Variants in CLIP4 observed in about 807,000 individuals in gnomAD.
The protein encoded by CLIP4 is CAP-Gly domain containing linker protein family member 4.
A neutral mutation model predicts 73.1 loss-of-function variants in CLIP4; 47 were observed. That is an observed-to-expected ratio of 0.64 (90% CI 0.51 to 0.82). The LOEUF is 0.82. Ranked by LOEUF, CLIP4 falls within the 40% of genes least tolerant of loss-of-function variation. CLIP4 has a pLI of 0.00. For missense variants in CLIP4, 874 were observed against 852.9 expected (o/e 1.02, Z -0.31); for synonymous variants, 306 against 295.4 (o/e 1.04, Z -0.37).
intron 14 of CLIP4, among the ~76,000 whole-genome samples, chr2:29,172,090 T>C (rs916014578): frequency 1.3e-5 from 2 of 151,624 alleles, no homozygotes; most frequent in African/African-American, 4.8e-5. Context: ...TAGTAATTAC[T>C]GTAGATAATT....
intron 6 of CLIP4, among the ~76,000 whole-genome samples, chr2:29,140,632 C>G (rs187960587): frequency 0.027 from 4,090 of 152,148 alleles, 63 homozygotes; most frequent in Non-Finnish European, 0.041. Context: ...ATTTCTAGTT[C>G]TAGATCCCTG....
intron 8 of CLIP4, among the ~76,000 whole-genome samples, chr2:29,149,661 G>A (rs763534947): frequency 1.7e-4 from 26 of 150,546 alleles, no homozygotes; most frequent in African/African-American, 3.9e-4. Context: ...AATAGAGGCC[G>A]CCCATATGCT....
chr2:29,127,850 A>C (rs1481580085), intron 2 of CLIP4, among the ~76,000 whole-genome samples: 1 of 152,148 alleles, frequency 6.6e-6, no homozygotes, highest in Admixed American at 6.6e-5. Flanking sequence ...GTCCATAGTT[A>C]CAGATTTGAT....
At chr2:29,102,256 CA>C (rs1668071424) in intron 1 of CLIP4, among the ~76,000 whole-genome samples, 1 of 152,174 alleles carries the variant, frequency 6.6e-6, no homozygotes, top group South Asian at 2.1e-4. Context: ...CTTATCTCAA[CA>C]GGCGTCTCTA....
At position 29,133,700 on chromosome 2, in the gene CLIP4, T is replaced by G. The variant is rs766147946; in HGVS notation, c.413T>G (p.Leu138Arg). The G allele has an allele frequency of 6.8e-6, 11 of 1,613,292 alleles. No individual in the cohort carries two copies. The highest frequency in any genetic ancestry group is 1.3e-5 in the African/African-American group (1 of 74,898). ...AVKFATQLID[L>R]GADISLRSRW... ...AAATTTGCAACTCAGCTTATTGACC[T>G]GGGAGCAGACATTAGTTTGCGGAGT... Residue 138 changes from leucine to arginine, a missense_variant, in exon 5 of 16, where the codon CTG (leucine) becomes CGG (arginine). Coordinates refer to ENST00000320081, the MANE Select transcript of CLIP4 (RefSeq NM_024692.6).
intron 13 of CLIP4, among the ~76,000 whole-genome samples, chr2:29,165,371 T>G (rs1055266156): frequency 6.6e-6 from 1 of 152,204 alleles, no homozygotes; most frequent in South Asian, 2.1e-4. Context: ...TTAACCTGTT[T>G]ACTGCTCTCC....
At chr2:29,145,606 A>G (rs1231202517) in intron 8 of CLIP4, among the ~76,000 whole-genome samples, 5 of 152,192 alleles carry the variant, frequency 3.3e-5, no homozygotes, top group Non-Finnish European at 7.3e-5. Context: ...CCAGGAGGAA[A>G]GTCCTGAAAA....
intron 14 of CLIP4, chr2:29,168,014 G>T (rs1667740892): frequency 6.6e-6 from 1 of 152,202 alleles, no homozygotes; most frequent in Non-Finnish European, 1.5e-5. Context: ...AGTTTCTCTA[G>T]GATTCCCAGG....
At chr2:29,132,513 A>T (rs981134207) in intron 4 of CLIP4, 1 of 390,172 alleles carries the variant, frequency 2.6e-6, no homozygotes, top group African/African-American at 2.1e-5. Flanking sequence ...GTAACACCCT[A>T]AAATCTTTCT....
chr2:29,121,712 G>C (rs895898805), intron 2 of CLIP4, among the ~76,000 whole-genome samples, 191 bp downstream of exon 2: 1 of 152,106 alleles, frequency 6.6e-6, no homozygotes, highest in Middle Eastern at 3.4e-3. Flanking sequence ...TATTTCTGCT[G>C]TCAGCATTTA....
chr2:29,151,273 A>G (rs753113689), intron 8 of CLIP4, among the ~76,000 whole-genome samples: 3 of 152,184 alleles, frequency 2.0e-5, no homozygotes, highest in Non-Finnish European at 4.4e-5. Flanking sequence ...TTAATTCTAT[A>G]AAGTGGATTA....
At chr2:29,107,379 T>TTTTG (rs1572855045) in intron 1 of CLIP4, among the ~76,000 whole-genome samples, 1 of 129,974 alleles carries the variant, frequency 7.7e-6, no homozygotes, top group East Asian at 2.4e-4. Flanking sequence ...TTTTTTTTTT[T>TTTTG]TTTTTTTTTT....
At chr2:29,178,804 T>TTTA (rs555500173) in intron 15 of CLIP4, among the ~76,000 whole-genome samples, 298 of 152,300 alleles carry the variant, frequency 2.0e-3, no homozygotes, top group Non-Finnish European at 3.5e-3. Context: ...TCAATATTTA[T>TTTA]TTATTTATTT....
chr2:29,098,874 T>A (rs1667954937), intron 1 of CLIP4, among the ~76,000 whole-genome samples: 1 of 152,226 alleles, frequency 6.6e-6, no homozygotes, highest in African/African-American at 2.4e-5. Flanking sequence ...CAGCATTTGG[T>A]GGTGTTGCTG....
chr2:29,112,537 C>T (rs1209746386), upstream of CLIP4, among the ~76,000 whole-genome samples: 1 of 152,240 alleles, frequency 6.6e-6, no homozygotes, highest in African/African-American at 2.4e-5. Context: ...TTACATTTCC[C>T]AGTTGCTTAC....
Position 29,135,642 on chromosome 2 carries a change from G to A in CLIP4, c.624G>A (p.Glu208=), listed in dbSNP as rs2339421. The change falls in exon 6 of 16, where the codon GAG becomes GAA. Residue 208 remains glutamate (E), a synonymous_variant. Transcript: ENST00000320081. The part of the protein sequence containing the change: ...LCAGAVKCLL[E]QGANPAFRND... Reference sequence around the variant, plus strand: ...CAGGTGCTGTGAAGTGCCTCTTGGAGCAGGGAGCAAATCCTGCATTTAGGG... The same window carrying A: ...CAGGTGCTGTGAAGTGCCTCTTGGAACAGGGAGCAAATCCTGCATTTAGGG... The A allele has an allele frequency of 7.0e-4, 1,132 of 1,609,224 alleles. 11 individuals are homozygous for A. The African/African-American group carries it at 0.013, about 18-fold the overall frequency.
chr2:29,180,338 A>AAT (rs1668574465), intron 15 of CLIP4, among the ~76,000 whole-genome samples: 1 of 152,192 alleles, frequency 6.6e-6, no homozygotes, highest in Non-Finnish European at 1.5e-5. Context: ...GCTCTGGGGC[A>AAT]ATATAGCCTT....
intron 1 of CLIP4, among the ~76,000 whole-genome samples, chr2:29,099,625 T>A (rs1184240626): frequency 6.6e-6 from 1 of 152,226 alleles, no homozygotes; most frequent in African/African-American, 2.4e-5. Context: ...TCTTTAAGCC[T>A]GTAGTGTCAA....
chr2:29,117,573 C>G (rs1329459393), intron 1 of CLIP4, among the ~76,000 whole-genome samples: 1 of 152,316 alleles, frequency 6.6e-6, no homozygotes, highest in Non-Finnish European at 1.5e-5. Context: ...CTGAAGTGAT[C>G]TGCCCATCTC....
Sources: allele counts gnomAD v4.1 joint callset (sites outside exome capture counted in the v4.1 genomes callset), GRCh38; gene constraint gnomAD v4.1.1; transcripts MANE v1.5; gene names NCBI Gene and HGNC (gene_info 2026-07-23, HGNC 2026-07-21).